The following NTRK3 variants were observed in gnomAD, a reference collection of about 807,000 sequenced individuals.
The protein encoded by NTRK3 is neurotrophic receptor tyrosine kinase 3, also known as NT-3 growth factor receptor.
NTRK3 carries 24 observed loss-of-function variants against 91.7 expected under a neutral mutation model. The ratio of observed to expected loss-of-function variants is 0.26; its 90% CI spans 0.19 to 0.37. The LOEUF is 0.37. Ranked by LOEUF, NTRK3 falls within the 10% of genes least tolerant of loss-of-function variation. NTRK3 has a pLI of 1.00. For missense variants in NTRK3, 880 were observed against 1,068.9 expected (o/e 0.82, Z 2.46); for synonymous variants, 483 against 404.0 (o/e 1.20, Z -2.34).
chr15:88,184,486 T>C (rs1360491574), intron 3 of NTRK3, among the ~76,000 whole-genome samples, 187 bp from the exon 4 acceptor site: 2 of 152,326 alleles, frequency 1.3e-5, no homozygotes, highest in South Asian at 4.1e-4. Context: ...GTCTGCCTGA[T>C]TGGGTTGTTG....
intron 14 of NTRK3, among the ~76,000 whole-genome samples, chr15:87,997,517 C>T (rs1032331527): frequency 2.0e-5 from 3 of 152,084 alleles, no homozygotes; most frequent in African/African-American, 7.2e-5. Context: ...GAAATCTTAC[C>T]TGCAAATATA....
At chr15:87,908,432 CTG>C (rs923202792) in intron 17 of NTRK3, 1 of 399,212 alleles carries the variant, frequency 2.5e-6, no homozygotes, top group African/African-American at 2.1e-5. Flanking sequence ...AGCTGTCTGT[CTG>C]TGTGTGGACT....
intron 14 of NTRK3, among the ~76,000 whole-genome samples, chr15:87,984,653 A>AT (rs1347395210): frequency 6.6e-6 from 1 of 152,166 alleles, no homozygotes; most frequent in Admixed American, 6.5e-5. Flanking sequence ...CTTTTATTTT[A>AT]TTTTTTAACA....
At chr15:88,108,134 T>C (rs184671011) in intron 13 of NTRK3, among the ~76,000 whole-genome samples, 1 of 152,296 alleles carries the variant, frequency 6.6e-6, no homozygotes, top group East Asian at 1.9e-4. Context: ...CTGAAAGATA[T>C]GCCATTCTCT....
intron 5 of NTRK3, among the ~76,000 whole-genome samples, chr15:88,182,655 T>G (rs911315738): frequency 6.6e-6 from 1 of 152,182 alleles, no homozygotes; most frequent in Non-Finnish European, 1.5e-5. Context: ...AATACCCCTC[T>G]ACAGGTGCAG....
chr15:87,949,079 G>A (rs1289416534), intron 14 of NTRK3, among the ~76,000 whole-genome samples: 1 of 152,004 alleles, frequency 6.6e-6, no homozygotes, highest in Middle Eastern at 3.2e-3. Flanking sequence ...TATGATGAAT[G>A]GGCAAATAAA....
intron 14 of NTRK3, among the ~76,000 whole-genome samples, chr15:87,948,213 C>A (rs895719393): frequency 6.6e-6 from 1 of 152,218 alleles, no homozygotes; most frequent in Non-Finnish European, 1.5e-5. Context: ...AAGAGTAGAG[C>A]ATGGCTAAAC....
intron 3 of NTRK3, among the ~76,000 whole-genome samples, chr15:88,210,877 C>G (rs2049182417): frequency 6.6e-6 from 1 of 152,104 alleles, no homozygotes; most frequent in Admixed American, 6.5e-5. Flanking sequence ...GAGAGACAAA[C>G]AGAGCAGTGA....
intron 13 of NTRK3, among the ~76,000 whole-genome samples, chr15:88,088,045 C>T (rs1296039911): frequency 1.3e-5 from 2 of 152,152 alleles, no homozygotes; most frequent in African/African-American, 4.8e-5. Flanking sequence ...AGCAAGTTCC[C>T]ACCTTAAATA....
At chr15:88,067,270 A>G (rs1257284574) in intron 13 of NTRK3, among the ~76,000 whole-genome samples, 6 of 152,086 alleles carry the variant, frequency 3.9e-5, no homozygotes, top group Admixed American at 3.9e-4. Flanking sequence ...CTATCTGTGA[A>G]GTCTATATAT....
chr15:88,039,118 AACAC>A (rs66499066), intron 13 of NTRK3, among the ~76,000 whole-genome samples: 11,006 of 139,112 alleles, frequency 0.079, 418 homozygotes, highest in East Asian at 0.11. Flanking sequence ...TTGAGCCCTC[AACAC>A]ACACACACAC....
At position 88,237,130 on chromosome 15, in the gene NTRK3, G is replaced by A. The variant is rs891641368; in HGVS notation, c.248+18776C>T. On this transcript the variant is annotated intron_variant, in intron 3 of 18. Coordinates refer to ENST00000394480, the Ensembl canonical transcript of NTRK3. The surrounding 1 kb of genome is among the most constrained non-coding windows in gnomAD (Gnocchi z 4.0). ...TACTCTGAAATGCATCAGAAAAATA[G>A]GATGGGTTAAGGAGTGGATAGAGGG... Among the ~76,000 whole-genome samples the A allele has an allele frequency of 2.6e-5, 4 of 152,196 alleles. No individual in the cohort carries two copies. The highest frequency in any genetic ancestry group is 4.8e-5 in the African/African-American group (2 of 41,438).
exon 19 of NTRK3, chr15:87,874,404 T>C (rs943609532): frequency 4.3e-6 from 1 of 230,410 alleles, no homozygotes; most frequent in Non-Finnish European, 8.6e-6. Context: ...AACTGCGGTC[T>C]CCTTCAGTGC....
intron 3 of NTRK3, among the ~76,000 whole-genome samples, chr15:88,219,067 G>A (rs1245127341): frequency 6.6e-6 from 1 of 152,226 alleles, no homozygotes; most frequent in Non-Finnish European, 1.5e-5. Context: ...ACAGACTGGT[G>A]GGAAATATGT....
At chr15:88,128,611 C>T in intron 11 of NTRK3, 100 bp downstream of exon 11, 1 of 1,271,884 alleles carries the variant, frequency 7.9e-7, no homozygotes, top group Non-Finnish European at 1.2e-6. Context: ...TGCCATGGGC[C>T]AGGGATGATG....
intron 13 of NTRK3, among the ~76,000 whole-genome samples, chr15:88,043,367 A>G (rs2079843655): frequency 6.6e-6 from 1 of 152,234 alleles, no homozygotes; most frequent in Non-Finnish European, 1.5e-5. Context: ...CAACATGTCT[A>G]AATTCAGTTC....
rs2051415221 is a variant in NTRK3 at position 88,111,913 on chromosome 15, T to C, written c.1396+14358A>G. ...CTGGTTTTTTTTTTGTTTTTGTTTT[T>C]TTTTTTTGAGACAGACAGAGTCTCA... On this transcript the variant is annotated intron_variant, in intron 13 of 18. Coordinates refer to ENST00000394480, the Ensembl canonical transcript of NTRK3. Among the ~76,000 whole-genome samples, 3 of 111,790 alleles carry C rather than the reference T, an allele frequency of 2.7e-5. No individual in the cohort carries two copies. In the South Asian group the frequency reaches 6.7e-4, roughly 25 times the overall value. 73.3% of individuals were successfully genotyped at this position (111,790 alleles called of 152,430 possible). A position where few individuals can be genotyped will look rare whatever the true frequency, so the allele number is the denominator to read the frequency against.
chr15:87,916,601 G>A, intron 17 of NTRK3: 3 of 702,160 alleles, frequency 4.3e-6, no homozygotes, highest in Non-Finnish European at 5.2e-6. Context: ...CTAAACTGCA[G>A]AGAGAAGAGA....
chr15:87,924,769 T>C (rs923602214), intron 17 of NTRK3, among the ~76,000 whole-genome samples: 9 of 152,186 alleles, frequency 5.9e-5, no homozygotes, highest in African/African-American at 1.9e-4. Flanking sequence ...CTGACTTCAC[T>C]CATTCATACT....
Sources: allele counts gnomAD v4.1 joint callset (sites outside exome capture counted in the v4.1 genomes callset), GRCh38; gene constraint gnomAD v4.1.1; non-coding constraint Gnocchi (gnomAD v3.1); transcripts MANE v1.5; gene names NCBI Gene and HGNC (gene_info 2026-07-23, HGNC 2026-07-21).